Variants in TECPR1 observed in about 807,000 individuals in gnomAD.
TECPR1 encodes tectonin beta-propeller repeat-containing protein 1.
In TECPR1, 122 loss-of-function variants were observed where a neutral mutation model predicts 162.4. That is an observed-to-expected ratio of 0.75 (90% confidence interval 0.65 to 0.87). TECPR1 has a LOEUF of 0.87. Among genes scored for constraint, TECPR1 ranks in the 40% least tolerant of loss-of-function variants. The pLI, the probability that TECPR1 is intolerant of heterozygous loss-of-function variation, is 0.00. For missense variants in TECPR1, 1,432 were observed against 1,618.2 expected (o/e 0.88, Z 1.97); for synonymous variants, 642 against 670.6 (o/e 0.96, Z 0.66).
chr7:98,226,217 T>G (rs907588129), intron 17 of TECPR1, among the ~76,000 whole-genome samples: 1 of 152,204 alleles, frequency 6.6e-6, no homozygotes, highest in Non-Finnish European at 1.5e-5. Flanking sequence ...GTGTGGACAC[T>G]GCCCACAGCT....
chr7:98,221,953 C>A (rs1330807202), intron 22 of TECPR1, among the ~76,000 whole-genome samples, 200 bp from the exon 23 acceptor site: 1 of 152,232 alleles, frequency 6.6e-6, no homozygotes, highest in East Asian at 1.9e-4. Flanking sequence ...CTCCGATGGA[C>A]TCATCTTGCC....
In TECPR1 at chr7:98,225,046, G is replaced by A. The variant is rs531681136; in HGVS notation, c.2570C>T (p.Thr857Met). 9 of 1,562,018 alleles carry A rather than the reference G, an allele frequency of 5.8e-6. No individual in the cohort carries two copies. In the Admixed American group the frequency reaches 9.7e-5, roughly 17 times the overall value. ...GGACGGGGGCTTCGTGCCAGCCTTC[G>A]TGCACTCCTGCAGCCCCGAGGCATC... ...WSDASGLQEC[T>M]KAGTKPPSLQ... Residue 857 changes from threonine (T) to methionine (M), a missense_variant, in exon 18 of 26, where the codon ACG becomes ATG. Physicochemically the swap from Thr to Met is moderately conservative, Grantham distance 81. Transcript: ENST00000447648.
Position 98,233,924 on chromosome 7 carries a change from C to A in TECPR1, c.1182-13G>T. On this transcript the variant is annotated splice_polypyrimidine_tract_variant and intron_variant, in intron 10 of 25. Transcript: ENST00000447648. ...GAAGCAGCCGGCACTGGGGACAAAT[C>A]AGGGCAGACCCATCACTCCCTTGCA... The A allele has an allele frequency of 6.6e-7, 1 of 1,505,576 alleles. No homozygotes were observed. Among genetic ancestry groups the A allele is most frequent in the South Asian group, 1.3e-5 (1 of 78,004 alleles). 93.3% of individuals were successfully genotyped at this position (1,505,576 alleles called of 1,614,324 possible).
intron 2 of TECPR1, among the ~76,000 whole-genome samples, chr7:98,250,262 T>C (rs1258438358): frequency 6.6e-6 from 1 of 151,940 alleles, no homozygotes; most frequent in Non-Finnish European, 1.5e-5. Context: ...CTCAATAAAA[T>C]GCTAGGGGAA....
intron 11 of TECPR1, 142 bp from the exon 12 acceptor site, chr7:98,233,114 C>G (rs1584339906): frequency 9.5e-7 from 1 of 1,055,992 alleles, no homozygotes; most frequent in Non-Finnish European, 1.3e-6. Flanking sequence ...ACCCTTTGCC[C>G]TGTTGGATGA....
At chr7:98,234,705 C>CTTTT (rs34332931) in intron 10 of TECPR1, among the ~76,000 whole-genome samples, 3 of 73,500 alleles carry the variant, frequency 4.1e-5, no homozygotes, top group Non-Finnish European at 7.6e-5. Flanking sequence ...TTGTTATTGT[C>CTTTT]TTTTTTTTTT....
In TECPR1 at chr7:98,215,513, C is replaced by T. The variant is rs1013166801; in HGVS notation, c.*1877G>A. ...TCGATAAAAAACACCAGGGCACGGACACTCCAGGGGAAATGCTTATTGAGT... is the reference window on the plus strand; with the variant it reads ...TCGATAAAAAACACCAGGGCACGGATACTCCAGGGGAAATGCTTATTGAGT... On this transcript the variant is annotated 3_prime_UTR_variant, in exon 26 of 26. Transcript: ENST00000447648. The T allele has an allele frequency of 2.0e-5, 3 of 152,248 alleles. No homozygotes were observed. Among genetic ancestry groups the T allele is most frequent in the African/African-American group, 7.2e-5 (3 of 41,460 alleles). 9.4% of individuals were successfully genotyped at this position (152,248 alleles called of 1,614,324 possible).
chr7:98,244,703 C>A lies in TECPR1; in HGVS notation c.409-10G>T. ...TGGCGTACGTCCACCCCTGAAACAC[C>A]AAGGAAGGGGCTCTCAGGCTCTGCG... On this transcript the variant is annotated splice_polypyrimidine_tract_variant and intron_variant, in intron 4 of 25. Coordinates refer to ENST00000447648, the MANE Select transcript of TECPR1 (RefSeq NM_015395.3). The A allele has an allele frequency of 6.2e-7, 1 of 1,603,566 alleles. No individual in the cohort carries two copies. Among genetic ancestry groups the A allele is most frequent in the Non-Finnish European group, 8.5e-7 (1 of 1,173,080 alleles).
At chr7:98,221,274 C>A (rs902416627) in intron 23 of TECPR1, among the ~76,000 whole-genome samples, 2 of 151,978 alleles carry the variant, frequency 1.3e-5, no homozygotes, top group Non-Finnish European at 2.9e-5. Flanking sequence ...TGCACTCTAG[C>A]CTGGGAGACA....
intron 21 of TECPR1, 156 bp from the exon 22 acceptor site, chr7:98,222,677 T>C (rs1798172618): frequency 1.0e-6 from 1 of 989,302 alleles, no homozygotes; most frequent in Admixed American, 2.8e-5. Flanking sequence ...ATCTCGGTGC[T>C]TGTTGAAATC....
chr7:98,237,000 C>T, intron 9 of TECPR1, 79 bp from the exon 10 acceptor site: 2 of 1,411,428 alleles, frequency 1.4e-6, no homozygotes, highest in South Asian at 1.5e-5. Context: ...GTGCAAAATG[C>T]AGGCAGGGTC....
Position 98,238,621 on chromosome 7 carries a change from C to T in TECPR1, c.934-11G>A. 6.4e-7 allele frequency: 1 copy of T among 1,555,970 alleles called. No homozygotes were observed. Among genetic ancestry groups the T allele is most frequent in the Non-Finnish European group, 8.7e-7 (1 of 1,149,008 alleles). Reference sequence around the variant, plus strand: ...TCTTCGGAACCACACCTGGGGGAGTCAGAAATAAACATGCCTTCCTGGAGG... The same window carrying T: ...TCTTCGGAACCACACCTGGGGGAGTTAGAAATAAACATGCCTTCCTGGAGG... On this transcript the variant is annotated splice_polypyrimidine_tract_variant and intron_variant, in intron 8 of 25. Coordinates refer to ENST00000447648, the MANE Select transcript of TECPR1 (RefSeq NM_015395.3).
Position 98,228,156 on chromosome 7 carries a change from G to T in TECPR1, c.2411-40C>A, listed in dbSNP as rs201419280. The T allele has an allele frequency of 3.7e-5, 54 of 1,471,238 alleles. No individual in the cohort carries two copies. The Admixed American group carries it at 9.6e-4, about 26-fold the overall frequency. The allele number at this position is 1,471,238 out of a possible 1,614,324, so 91.1% of individuals were successfully genotyped here. A position where few individuals can be genotyped will look rare whatever the true frequency, so the allele number is the denominator to read the frequency against. On this transcript the variant is annotated intron_variant, in intron 16 of 25. Coordinates refer to ENST00000447648, the MANE Select transcript of TECPR1 (RefSeq NM_015395.3). ...GGCTGCTGGGACCGAGGCCACATACGCTCCGCTTGGGACTCTGGCTTTCCG... is the reference window on the plus strand; with the variant it reads ...GGCTGCTGGGACCGAGGCCACATACTCTCCGCTTGGGACTCTGGCTTTCCG...
intron 23 of TECPR1, 59 bp from the exon 24 acceptor site, chr7:98,218,101 G>A (rs1254235101): frequency 6.3e-6 from 9 of 1,421,998 alleles, no homozygotes; most frequent in Non-Finnish European, 8.7e-6. Context: ...TCCTGCCCGT[G>A]CGGCCCGGCA....
At chr7:98,242,020 C>T (rs902647186) in intron 6 of TECPR1, among the ~76,000 whole-genome samples, 1 of 152,214 alleles carries the variant, frequency 6.6e-6, no homozygotes, top group Non-Finnish European at 1.5e-5. Context: ...TCTCTCTTTG[C>T]ATCCAGATGG....
chr7:98,231,194 C>G (rs1401641928), intron 14 of TECPR1, 30 bp downstream of exon 14: 2 of 1,609,502 alleles, frequency 1.2e-6, no homozygotes, highest in African/African-American at 2.7e-5. Flanking sequence ...TATCCCTCCC[C>G]CCGGCCCGAG....
chr7:98,237,615 C>T (rs1026906509), intron 9 of TECPR1, among the ~76,000 whole-genome samples: 4 of 152,148 alleles, frequency 2.6e-5, no homozygotes, highest in Admixed American at 6.6e-5. Context: ...ATTACAGTCA[C>T]GTGCTACCAC....
intron 6 of TECPR1, 76 bp downstream of exon 6, chr7:98,243,391 C>T (rs1007428788): frequency 6.3e-7 from 1 of 1,578,462 alleles, no homozygotes; most frequent in Non-Finnish European, 8.6e-7. Flanking sequence ...GGAGCAAGAC[C>T]CAGGGGGTGC....
Position 98,238,525 on chromosome 7 carries a change from A to C in TECPR1, c.1019T>G (p.Val340Gly). The C allele has an allele frequency of 6.4e-7, 1 of 1,566,648 alleles. No individual in the cohort carries two copies. The highest frequency in any genetic ancestry group is 8.7e-7 in the Non-Finnish European group (1 of 1,155,916). The stretch of plus-strand genomic sequence containing the variant: ...CGTGCACACCTGGTCGTTCATTCCC[A>C]CGTTCACCATCGTCATCTCACCAAC... ...EMVGEMTMVN[V>G]GMNDQVWGIG... Residue 340 changes from valine to glycine, a missense_variant, in exon 9 of 26, where the codon GTG (valine) becomes GGG (glycine). Transcript: ENST00000447648.
Sources: gnomAD v4.1 joint callset for allele counts (sites outside exome capture counted in the v4.1 genomes callset) on GRCh38, gnomAD v4.1.1 for gene constraint, MANE v1.5 for transcripts, NCBI Gene and HGNC (gene_info 2026-07-23, HGNC 2026-07-21) for gene names.